Variants in GRIN2B observed in about 807,000 individuals in gnomAD.
GRIN2B encodes glutamate ionotropic receptor NMDA type subunit 2B, also known as glutamate receptor ionotropic, NMDA 2B.
A neutral mutation model predicts 114.5 loss-of-function variants in GRIN2B; 5 were observed. The observed-to-expected ratio is 0.04, with a 90% CI of 0.02 to 0.09. The LOEUF (loss-of-function observed/expected upper bound fraction) is 0.09. GRIN2B is among the 10% of genes least tolerant of loss of function. GRIN2B has a pLI of 1.00. For synonymous variants in GRIN2B, 787 were observed against 745.1 expected, an observed-to-expected ratio of 1.06 and a Z score of -0.92; for missense variants, 1,108 against 1,943.5, an observed-to-expected ratio of 0.57 and a Z score of 8.08.
intron 2 of GRIN2B, among the ~76,000 whole-genome samples, chr12:13,961,130 A>C (rs1867683793): frequency 6.6e-6 from 1 of 152,040 alleles, no homozygotes; most frequent in South Asian, 2.1e-4. Flanking sequence ...ACAGAACACT[A>C]AAAGCAGATA....
At chr12:13,956,203 G>A (rs1413850958) in intron 2 of GRIN2B, among the ~76,000 whole-genome samples, 1 of 152,174 alleles carries the variant, frequency 6.6e-6, no homozygotes, top group Non-Finnish European at 1.5e-5. Flanking sequence ...CTAAGTGCAC[G>A]AATGAGCTGG....
chr12:13,832,100 T>C (rs1865159326), intron 3 of GRIN2B, among the ~76,000 whole-genome samples: 2 of 152,156 alleles, frequency 1.3e-5, no homozygotes. Flanking sequence ...TAAAGAAAGG[T>C]GGTGTTTACA....
chr12:13,934,881 G>A (rs1867100163), intron 2 of GRIN2B, among the ~76,000 whole-genome samples: 1 of 152,214 alleles, frequency 6.6e-6, no homozygotes, highest in African/African-American at 2.4e-5. Flanking sequence ...AGGCAGATAT[G>A]ACCAGCAGCC....
At chr12:13,798,574 T>C (rs1230986953) in intron 3 of GRIN2B, among the ~76,000 whole-genome samples, 1 of 152,236 alleles carries the variant, frequency 6.6e-6, no homozygotes, top group Non-Finnish European at 1.5e-5. Context: ...GATATGCTTA[T>C]TATCATATGT....
chr12:13,964,112 C>T (rs1867747813), intron 2 of GRIN2B, among the ~76,000 whole-genome samples: 1 of 152,152 alleles, frequency 6.6e-6, no homozygotes, highest in African/African-American at 2.4e-5. Context: ...ACATAGTAGA[C>T]AATTATAAAG....
intron 3 of GRIN2B, among the ~76,000 whole-genome samples, chr12:13,795,336 G>A (rs12826365): frequency 0.16 from 23,558 of 151,088 alleles, 2,475 homozygotes; most frequent in Non-Finnish European, 0.24. Context: ...ACATGGCTGA[G>A]ATCTTTTCTA....
intron 3 of GRIN2B, among the ~76,000 whole-genome samples, chr12:13,854,991 A>G (rs891962183): frequency 1.4e-5 from 2 of 147,392 alleles, no homozygotes; most frequent in African/African-American, 5.0e-5. Flanking sequence ...TGGGTGGACC[A>G]CCTGAGGTCA....
At chr12:13,863,036 A>G (rs1381482932) in intron 3 of GRIN2B, among the ~76,000 whole-genome samples, 1 of 152,244 alleles carries the variant, frequency 6.6e-6, no homozygotes, top group Non-Finnish European at 1.5e-5. Context: ...TCTAAAAGTC[A>G]CTGCCCACCT....
Position 13,558,299 on chromosome 12 carries a change from T to C in GRIN2B, c.*4484A>G, listed in dbSNP as rs1948498286. 6.6e-6 allele frequency: 1 copy of C among 152,136 alleles called. No homozygotes were observed. The highest frequency in any genetic ancestry group is 1.5e-5 in the Non-Finnish European group (1 of 68,036). The allele number at this position is 152,136 out of a possible 1,614,324, so 9.4% of individuals were successfully genotyped here. Reference sequence around the variant, plus strand: ...ATCATTTATGCACACATCTGAATCATTCCTAACATACAAAAACAGACATTC... The same window carrying C: ...ATCATTTATGCACACATCTGAATCACTCCTAACATACAAAAACAGACATTC... On this transcript the variant is annotated 3_prime_UTR_variant, in exon 14 of 14. Transcript: ENST00000609686.
chr12:13,632,341 A>T (rs1040415668), intron 5 of GRIN2B, among the ~76,000 whole-genome samples: 1 of 152,250 alleles, frequency 6.6e-6, no homozygotes, highest in Non-Finnish European at 1.5e-5. Flanking sequence ...TAGAAAGTAC[A>T]TGTCAATCTG....
chr12:13,961,018 T>C (rs535164149), intron 2 of GRIN2B, among the ~76,000 whole-genome samples: 133 of 151,848 alleles, frequency 8.8e-4, no homozygotes, highest in African/African-American at 3.0e-3. Context: ...GGTGGGTGCT[T>C]GTGAACAAAG....
At chr12:13,662,179 C>T (rs914352272) in intron 5 of GRIN2B, among the ~76,000 whole-genome samples, 1 of 152,068 alleles carries the variant, frequency 6.6e-6, no homozygotes, top group South Asian at 2.1e-4. Flanking sequence ...TGTTCATAGC[C>T]TGATGTGACA....
chr12:13,640,716 C>A (rs1455023872), intron 5 of GRIN2B, among the ~76,000 whole-genome samples: 1 of 152,120 alleles, frequency 6.6e-6, no homozygotes, highest in South Asian at 2.1e-4. Flanking sequence ...TCTGAACTAT[C>A]TATTATGAAT....
chr12:13,737,458 G>T (rs912986142), intron 4 of GRIN2B, among the ~76,000 whole-genome samples: 1 of 152,102 alleles, frequency 6.6e-6, no homozygotes, highest in African/African-American at 2.4e-5. Context: ...TGATCTGCCT[G>T]CCTCAGCCTC....
chr12:13,569,466 G>C (rs1234471077), intron 12 of GRIN2B, among the ~76,000 whole-genome samples: 1 of 152,152 alleles, frequency 6.6e-6, no homozygotes, highest in African/African-American at 2.4e-5. Context: ...GAGGTCAGGG[G>C]TATGCTTCTA....
At chr12:13,955,031 C>A (rs957493611) in intron 2 of GRIN2B, among the ~76,000 whole-genome samples, 2 of 151,816 alleles carry the variant, frequency 1.3e-5, no homozygotes, top group African/African-American at 4.8e-5. Context: ...CATAAATGAG[C>A]CTTCCCCAAT....
rs201565146 is a variant in GRIN2B at position 13,563,866 on chromosome 12, C to T, written c.3372G>A (p.Arg1124=). 1 of 1,614,124 alleles carries T rather than the reference C, an allele frequency of 6.2e-7. No individual in the cohort carries two copies. The highest frequency in any genetic ancestry group is 1.1e-5 in the South Asian group (1 of 91,080). Reference sequence around the variant, plus strand: ...AGAAGTCCCGTAGCCCTTCCTTGTCCCTGAAGTAGCGCTTGTGGTCAGGGG... The same window carrying T: ...AGAAGTCCCGTAGCCCTTCCTTGTCTCTGAAGTAGCGCTTGTGGTCAGGGG... The part of the protein sequence containing the change: ...PRSPDHKRYF[R]DKEGLRDFYL... Residue 1124 remains arginine (R), a synonymous_variant, in exon 14 of 14, where the codon AGG becomes AGA. Transcript: ENST00000609686.
intron 5 of GRIN2B, among the ~76,000 whole-genome samples, chr12:13,667,060 C>T (rs183681693): frequency 2.0e-5 from 3 of 152,182 alleles, no homozygotes; most frequent in Admixed American, 1.3e-4. Context: ...ATAGAAACAG[C>T]GCTGGAAAGG....
At position 13,870,640 on chromosome 12, in the gene GRIN2B, CA is replaced by C. The variant is rs546897435; in HGVS notation, c.-18-4415del. Among the ~76,000 whole-genome samples the C allele has an allele frequency of 6.1e-3, 926 of 152,134 alleles. 15 individuals are homozygous for C. The highest frequency in any genetic ancestry group is 0.022 in the African/African-American group (906 of 41,492). ...AATGTGACTTAATCAATAATTAAGT[CA>C]AAAATATTCCAAGCACCATCCCTTA... is the stretch of plus-strand genomic sequence containing the variant. On this transcript the variant is annotated intron_variant, in intron 2 of 13. Transcript: ENST00000609686.
Sources: gnomAD v4.1 joint callset for allele counts (sites outside exome capture counted in the v4.1 genomes callset) on GRCh38, gnomAD v4.1.1 for gene constraint, MANE v1.5 for transcripts, NCBI Gene and HGNC (gene_info 2026-07-23, HGNC 2026-07-21) for gene names.